Variants in TTN observed in about 807,000 individuals in gnomAD.
TTN encodes connectin.
A neutral mutation model predicts 3,223.0 loss-of-function variants in TTN; 1,525 were observed. That is an observed-to-expected ratio of 0.47 (90% CI 0.45 to 0.49). The LOEUF (loss-of-function observed/expected upper bound fraction) is 0.49, where lower values mean the gene tolerates loss of function less well. Ranked by LOEUF, TTN falls within the 20% of genes least tolerant of loss-of-function variation. The pLI is 0.00. For synonymous variants in TTN, 14,094 were observed against 15,161.0 expected, an observed-to-expected ratio of 0.93 and a Z score of 5.17; for missense variants, 40,786 against 43,424.0, an observed-to-expected ratio of 0.94 and a Z score of 5.40.
In TTN at chr2:178,541,285, T is replaced by C. The variant is rs372075164; in HGVS notation, c.97792A>G (p.Ile32598Val). 5.3e-5 allele frequency: 79 copies of C among 1,499,900 alleles called. No homozygotes were observed. Among genetic ancestry groups the C allele is most frequent in the Middle Eastern group, 1.7e-4 (1 of 5,814 alleles). 92.9% of individuals were successfully genotyped at this position (1,499,900 alleles called of 1,614,324 possible). The change falls in exon 350 of 363, where the codon ATT becomes GTT. Residue 32598 changes from isoleucine to valine, a missense_variant. Transcript: ENST00000589042. ...GACTGATACAAAATGTCCTTACCAATTGGATCCATGGCAACGATGGGTTTG... is the reference window on the plus strand; with the variant it reads ...GACTGATACAAAATGTCCTTACCAACTGGATCCATGGCAACGATGGGTTTG... ...PSKPIVAMDP[I>V]APPGKPQNPR...
intron 138 of TTN, among the ~76,000 whole-genome samples, chr2:178,680,605 T>C (rs2154270499): frequency 6.6e-6 from 1 of 152,100 alleles, no homozygotes; most frequent in African/African-American, 2.4e-5. Flanking sequence ...TTGAAAGAAA[T>C]ATCCTTCCTG....
chr2:178,640,307 A>C (rs2061066313), intron 221 of TTN, among the ~76,000 whole-genome samples, 197 bp from the exon 222 acceptor site: 1 of 152,020 alleles, frequency 6.6e-6, no homozygotes, highest in Non-Finnish European at 1.5e-5. Flanking sequence ...TCTTGGTTTT[A>C]ATGTTGTTAT....
chr2:178,597,086 G>A (rs1044371839), intron 294 of TTN, among the ~76,000 whole-genome samples: 8 of 151,984 alleles, frequency 5.3e-5, no homozygotes, highest in Non-Finnish European at 1.2e-4. Context: ...TTTAAGGAAA[G>A]TTGCAGATTG....
rs1257930872 is a variant in TTN, at chr2:178,771,256, A to C, written c.8071T>G (p.Tyr2691Asp). Residue 2691 changes from tyrosine to aspartate, a missense_variant, in exon 34 of 363, where the codon TAC becomes GAC. By Grantham distance (160) the Tyr-to-Asp change is radical. Coordinates refer to ENST00000589042, the MANE Select transcript of TTN (RefSeq NM_001267550.2). ...GATGTTTTGGAGGTGGCCACCTTGT[A>C]GGTATATTCTCCAATGTCATCTAAT... ...TKLDDIGEYT[Y>D]KVATSKTSAK... 2 of 1,614,086 alleles carry C rather than the reference A, an allele frequency of 1.2e-6. No individual in the cohort carries two copies. Among genetic ancestry groups the C allele is most frequent in the Non-Finnish European group, 1.7e-6 (2 of 1,179,994 alleles).
At position 178,588,966 on chromosome 2, in the gene TTN, G is replaced by A. The variant is rs752337479; in HGVS notation, c.62759C>T (p.Thr20920Ile). ...GAGACGTGTTACTGTAGTACCAGGT[G>A]TCAAGACAGTAGCAGAATAGGTAGA... ...VWSTYSATVL[T>I]PGTTVTRLIE... The change falls in exon 304 of 363, where the codon ACA becomes ATA. Residue 20920 changes from threonine (T) to isoleucine (I), a missense_variant. Transcript: ENST00000589042. 5 of 1,612,302 alleles carry A rather than the reference G, an allele frequency of 3.1e-6. No homozygotes were observed. Among genetic ancestry groups the A allele is most frequent in the Non-Finnish European group, 4.2e-6 (5 of 1,179,356 alleles).
rs767060880 is a variant in TTN at position 178,599,723 on chromosome 2, A to T, written c.56178T>A (p.Pro18726=). 19 of 1,613,012 alleles carry T rather than the reference A, an allele frequency of 1.2e-5. No individual in the cohort carries two copies. The East Asian group carries it at 4.2e-4, about 36-fold the overall frequency. ...CATAGAGAACAGGTTCTTTGTTATCAGGCTTCTTTGGAGGAGCTTTAAACC... is the reference window on the plus strand; with the variant it reads ...CATAGAGAACAGGTTCTTTGTTATCTGGCTTCTTTGGAGGAGCTTTAAACC... ...LTWFKAPPKK[P]DNKEPVLYDT... is the part of the protein sequence containing the mutation. The change falls in exon 289 of 363, where the codon CCT becomes CCA. Residue 18726 remains proline (P), a synonymous_variant. Coordinates refer to ENST00000589042, the MANE Select transcript of TTN (RefSeq NM_001267550.2).
rs745350155 is a variant in TTN, at chr2:178,757,668, A to T, written c.10552T>A (p.Ser3518Thr). The change falls in exon 45 of 363, where the codon TCC becomes ACC. Residue 3518 changes from serine to threonine, a missense_variant. Transcript: ENST00000589042. ...ATAAGCATTAAAGCCATGCCTGTGG[A>T]CTCCTCAAAATGGAAAACTACATCT... The part of the protein sequence containing the change: ...TKDVVFHFEE[S>T]TGMALMLIVD... 1.2e-6 allele frequency: 2 copies of T among 1,613,714 alleles called. No homozygotes were observed. The highest frequency in any genetic ancestry group is 1.7e-6 in the Non-Finnish European group (2 of 1,179,800).
intron 41 of TTN, among the ~76,000 whole-genome samples, chr2:178,765,721 C>T (rs2090258844): frequency 6.6e-6 from 1 of 152,144 alleles, no homozygotes; most frequent in Non-Finnish European, 1.5e-5. Flanking sequence ...TTCCATTTTT[C>T]TCTTGCATCT....
rs1317233289 is a variant in TTN, at chr2:178,530,316, TGAA to T, written c.106296_106298del (p.Ser35433del). ...TAACTGCAAATTTAGCAACACTGTCTGAAGAAACAGTTGTATCCTGCAACCCAG... is the reference window on the plus strand; with the variant it reads ...TAACTGCAAATTTAGCAACACTGTCTGAAACAGTTGTATCCTGCAACCCAG... On this transcript the variant is annotated inframe_deletion, in exon 358 of 363. Transcript: ENST00000589042. 6.2e-7 allele frequency: 1 copy of T among 1,613,944 alleles called. No homozygotes were observed. Among genetic ancestry groups the T allele is most frequent in the South Asian group, 1.1e-5 (1 of 91,082 alleles).
In TTN at chr2:178,651,463, T is replaced by G. The variant is rs1203871535; in HGVS notation, c.39537A>C (p.Pro13179=). Reference sequence around the variant, plus strand: ...GACAGCCACATATACCTTTAGCAGGTGGGGCTTCTGGCTTTTTGGGAACCA... The same window carrying G: ...GACAGCCACATATACCTTTAGCAGGGGGGGCTTCTGGCTTTTTGGGAACCA... The part of the protein sequence containing the change: ...PLVVPKKPEA[P]PAKVPEVPKE... Residue 13179 remains proline, a synonymous_variant, in exon 207 of 363, where the codon CCA becomes CCC. Transcript: ENST00000589042. 6.2e-7 allele frequency: 1 copy of G among 1,611,034 alleles called. No homozygotes were observed.
Position 178,636,534 on chromosome 2 carries a change from C to A in TTN, c.41193G>T (p.Lys13731Asn), listed in dbSNP as rs559968058. 6.2e-7 allele frequency: 1 copy of A among 1,613,348 alleles called. No homozygotes were observed. Among genetic ancestry groups the A allele is most frequent in the Non-Finnish European group, 8.5e-7 (1 of 1,179,584 alleles). ...KDGSNIRESP[K>N]HRFIADGKDR... is the part of the protein sequence containing the mutation. ...CTTTACCATCTGCAATAAACCTGTG[C>A]TTGGGACTCTCACGGATATTGCTAC... Residue 13731 changes from lysine (K) to asparagine (N), a missense_variant, in exon 225 of 363, where the codon AAG (lysine) becomes AAT (asparagine). Physicochemically the swap from Lys to Asn is moderately conservative, Grantham distance 94 (BLOSUM62 0). Coordinates refer to ENST00000589042, the MANE Select transcript of TTN (RefSeq NM_001267550.2). The surrounding 1 kb of genome is among the most constrained non-coding windows in gnomAD (Gnocchi z 4.3).
At chr2:178,747,433 G>T in intron 47 of TTN, 2 of 1,613,248 alleles carry the variant, frequency 1.2e-6, no homozygotes, top group African/African-American at 1.3e-5. Flanking sequence ...ATGATGGTGG[G>T]GTATAAAACT....
chr2:178,608,768 C>T lies in TTN; in HGVS notation c.52243G>A (p.Asp17415Asn), dbSNP rs397517609. 1.3e-5 allele frequency: 21 copies of T among 1,612,402 alleles called. No individual in the cohort carries two copies. Among genetic ancestry groups the T allele is most frequent in the South Asian group, 4.4e-5 (4 of 91,040 alleles). The change falls in exon 274 of 363, where the codon GAC (aspartate) becomes AAC (asparagine). Residue 17415 changes from aspartate to asparagine, a missense_variant. Asp to Asn is a conservative substitution (Grantham distance 23, BLOSUM62 1). Transcript: ENST00000589042. ...GAAGTGACAACAATCCATTCTGAGT[C>T]GGGTTTTGTCTTGTCTTTCTTTTCC... ...TLEKKDKTKP[D>N]SEWIVVTSTL...
chr2:178,745,648 A>G, intron 47 of TTN: 1 of 1,612,658 alleles, frequency 6.2e-7, no homozygotes, highest in South Asian at 1.1e-5. Context: ...CTACACACCT[A>G]TACTCTCCTT....
In TTN at chr2:178,612,772, C is replaced by T; in HGVS notation, c.49948+1G>A. The T allele has an allele frequency of 6.2e-7, 1 of 1,608,060 alleles. No individual in the cohort carries two copies. Among genetic ancestry groups the T allele is most frequent in the Non-Finnish European group, 8.5e-7 (1 of 1,177,796 alleles). ...TATCCCAGACATCAAGAGTGACTTA[C>T]ATAGCTTCTCCCGGCAAAGCACAGG... is the stretch of plus-strand genomic sequence containing the variant. On this transcript the variant is annotated splice_donor_variant, in intron 265 of 362. Coordinates refer to ENST00000589042, the MANE Select transcript of TTN (RefSeq NM_001267550.2). LOFTEE classifies it high-confidence loss of function.
chr2:178,649,468 C>A, intron 212 of TTN, 86 bp downstream of exon 212: 1 of 1,414,054 alleles, frequency 7.1e-7, no homozygotes, highest in Non-Finnish European at 9.5e-7. Context: ...CTTAGTTATG[C>A]AACAACAATG....
In TTN at chr2:178,756,342, C is replaced by T; in HGVS notation, c.11134G>A (p.Gly3712Arg). ...CATATGGTAAGAAACTGAATATTTC[C>T]ATTTTGTGATTGTTTCAGTCTCTCG... ...ESERLKQSQNGNIQFLTICNV... is the reference protein window; with the variant it reads ...ESERLKQSQNRNIQFLTICNV... Residue 3712 changes from glycine (G) to arginine (R), a missense_variant, in exon 46 of 363, where the codon GGA (glycine) becomes AGA (arginine). Transcript: ENST00000589042. 1 of 1,613,840 alleles carries T rather than the reference C, an allele frequency of 6.2e-7. No individual in the cohort carries two copies. Among genetic ancestry groups the T allele is most frequent in the East Asian group, 2.2e-5 (1 of 44,862 alleles).
intron 129 of TTN, 127 bp from the exon 130 acceptor site, chr2:178,685,116 A>T: frequency 1.8e-6 from 2 of 1,140,716 alleles, no homozygotes; most frequent in Non-Finnish European, 2.5e-6. Flanking sequence ...ATACTCAGTA[A>T]ATACGTTCAT....
chr2:178,552,062 C>A lies in TTN; in HGVS notation c.90838G>T (p.Ala30280Ser), dbSNP rs752021114. The A allele has an allele frequency of 6.2e-7, 1 of 1,613,702 alleles. No homozygotes were observed. Among genetic ancestry groups the A allele is most frequent in the East Asian group, 2.2e-5 (1 of 44,862 alleles). Residue 30280 changes from alanine to serine, a missense_variant, in exon 335 of 363, where the codon GCC (alanine) becomes TCC (serine). Coordinates refer to ENST00000589042, the MANE Select transcript of TTN (RefSeq NM_001267550.2). Reference protein sequence around the residue: ...TNWKMVCSSVARTTFKVPNLV... With the variant: ...TNWKMVCSSVSRTTFKVPNLV... ...TTAGGAACTTTGAAAGTCGTTCTGG[C>A]AACACTTGAACACACCATCTTCCAG...
Sources: gnomAD v4.1 joint callset for allele counts (sites outside exome capture counted in the v4.1 genomes callset) on GRCh38, gnomAD v4.1.1 for gene constraint, Gnocchi (gnomAD v3.1) non-coding constraint, MANE v1.5 for transcripts, NCBI Gene and HGNC (gene_info 2026-07-23, HGNC 2026-07-21) for gene names.